Variants in POFUT3 observed in about 807,000 individuals in gnomAD.
POFUT3 encodes the protein protein O-fucosyltransferase 3.
chr8:33,326,637 T>G, the POFUT3 span, among the ~76,000 whole-genome samples: 1 of 152,178 alleles, frequency 6.6e-6, no homozygotes, highest in African/African-American at 2.4e-5. Context: ...AATGCCAACC[T>G]CCACAGCTTG....
At chr8:33,342,400 A>G in the POFUT3 span, among the ~76,000 whole-genome samples, 4 of 152,000 alleles carry the variant, frequency 2.6e-5, no homozygotes, top group African/African-American at 9.7e-5. Flanking sequence ...AAGACTGACC[A>G]AAGGGAAAAA....
the POFUT3 span, among the ~76,000 whole-genome samples, chr8:33,430,137 C>T: frequency 4.6e-5 from 7 of 152,256 alleles, no homozygotes; most frequent in East Asian, 3.9e-4. Context: ...AGAAAACCTA[C>T]GACTTGTATG....
At chr8:33,452,993 A>G in the POFUT3 span, 1 of 495,258 alleles carries the variant, frequency 2.0e-6, no homozygotes, top group East Asian at 3.1e-5. Context: ...CCCTTCAGAG[A>G]TACAGGTGTT....
chr8:33,318,959 A>G, the POFUT3 span, among the ~76,000 whole-genome samples: 1 of 43,900 alleles, frequency 2.3e-5, no homozygotes, highest in African/African-American at 1.2e-4. Flanking sequence ...ATAATACATA[A>G]ATATATTTTA....
chr8:33,340,524 G>A, the POFUT3 span, among the ~76,000 whole-genome samples: 1,877 of 151,634 alleles, frequency 0.012, 41 homozygotes, highest in African/African-American at 0.043. Context: ...CCAACTACAC[G>A]CTGCCCATAA....
chr8:33,416,465 G>C, the POFUT3 span, among the ~76,000 whole-genome samples: 1 of 151,672 alleles, frequency 6.6e-6, no homozygotes, highest in Non-Finnish European at 1.5e-5. Flanking sequence ...TAATCCCAGC[G>C]CTCTGGGAGG....
the POFUT3 span, among the ~76,000 whole-genome samples, chr8:33,333,912 G>A: frequency 1.3e-5 from 2 of 152,114 alleles, no homozygotes; most frequent in Non-Finnish European, 2.9e-5. Context: ...AGATAACACT[G>A]AAGAAATTTA....
chr8:33,461,729 C>A, the POFUT3 span: 1 of 1,250,264 alleles, frequency 8.0e-7, no homozygotes. Context: ...AAAAATTCTG[C>A]AACAAAAGAT....
the POFUT3 span, among the ~76,000 whole-genome samples, chr8:33,327,807 G>A: frequency 3.2e-4 from 48 of 152,290 alleles, no homozygotes; most frequent in South Asian, 5.2e-3. Flanking sequence ...AGTGTGTACC[G>A]TGACTAATTC....
the POFUT3 span, among the ~76,000 whole-genome samples, chr8:33,415,240 C>CA: frequency 6.6e-6 from 1 of 152,054 alleles, no homozygotes; most frequent in Non-Finnish European, 1.5e-5. Flanking sequence ...CCAGCCTGTG[C>CA]AACACAGTGA....
chr8:33,388,758 G>A, the POFUT3 span: 1 of 584,094 alleles, frequency 1.7e-6, no homozygotes, highest in South Asian at 2.3e-5. Context: ...AAGGCTTTCA[G>A]GAATGAAGGC....
chr8:33,418,453 C>T, the POFUT3 span, among the ~76,000 whole-genome samples: 1 of 146,036 alleles, frequency 6.8e-6, no homozygotes, highest in East Asian at 2.0e-4. Context: ...TAGGCACGCA[C>T]CACCACGCCC....
the POFUT3 span, among the ~76,000 whole-genome samples, chr8:33,348,563 T>A: frequency 6.6e-6 from 1 of 152,196 alleles, no homozygotes; most frequent in African/African-American, 2.4e-5. Flanking sequence ...CACATTGGTG[T>A]ATAACCTGGT....
chr8:33,379,979 T>TCTATATATATAGTATATATATATA, the POFUT3 span, among the ~76,000 whole-genome samples: 2 of 89,744 alleles, frequency 2.2e-5, no homozygotes, highest in Non-Finnish European at 4.0e-5. Context: ...ATATATACAC[T>TCTATATATATAGTATATATATATA]CTATATATAT....
At chr8:33,439,295 C>T in the POFUT3 span, among the ~76,000 whole-genome samples, 4 of 151,814 alleles carry the variant, frequency 2.6e-5, no homozygotes, top group African/African-American at 9.7e-5. Flanking sequence ...CCCAGCTACT[C>T]GAGAGGCTGA....
chr8:33,324,984 C>T, the POFUT3 span, among the ~76,000 whole-genome samples: 1 of 152,136 alleles, frequency 6.6e-6, no homozygotes, highest in Non-Finnish European at 1.5e-5. Flanking sequence ...TTCTTCTAAC[C>T]TTCCTTCAAC....
the POFUT3 span, among the ~76,000 whole-genome samples, chr8:33,412,245 A>T: frequency 6.6e-6 from 1 of 152,232 alleles, no homozygotes; most frequent in Non-Finnish European, 1.5e-5. Flanking sequence ...ATCTTCAAAG[A>T]CATTAAATAC....
At chr8:33,377,248 A>G in the POFUT3 span, among the ~76,000 whole-genome samples, 7 of 152,086 alleles carry the variant, frequency 4.6e-5, no homozygotes, top group African/African-American at 1.7e-4. Context: ...AAAAAAAAGA[A>G]TTGACTATAA....
At chr8:33,431,399 T>C in the POFUT3 span, among the ~76,000 whole-genome samples, 2 of 151,212 alleles carry the variant, frequency 1.3e-5, no homozygotes, top group South Asian at 4.2e-4. Context: ...AATACAAAAA[T>C]TAGCCAGGCA....
Sources: allele counts gnomAD v4.1 joint callset (sites outside exome capture counted in the v4.1 genomes callset), GRCh38; gene constraint gnomAD v4.1.1; transcripts MANE v1.5; gene names NCBI Gene and HGNC (gene_info 2026-07-23, HGNC 2026-07-21).